CNTNAP2: variants seen among roughly 807,000 people sequenced by gnomAD.
CNTNAP2 encodes the protein contactin-associated protein-like 2.
CNTNAP2 carries 98 observed loss-of-function variants against 155.2 expected under a neutral mutation model. That is an observed-to-expected ratio of 0.63 (90% CI 0.54 to 0.75). CNTNAP2 has a LOEUF of 0.75. CNTNAP2 is among the 30% of genes least tolerant of loss of function. The probability of loss-of-function intolerance (pLI) is 0.00; values close to 1 mark genes in which losing one functional copy is unlikely to be tolerated. For missense variants in CNTNAP2, 1,727 were observed against 1,688.1 expected (o/e 1.02, Z -0.40); for synonymous variants, 651 against 631.2 (o/e 1.03, Z -0.47).
intron 21 of CNTNAP2, among the ~76,000 whole-genome samples, chr7:148,313,685 T>G (rs2116522399): frequency 6.6e-6 from 1 of 152,306 alleles, no homozygotes; most frequent in South Asian, 2.1e-4. Context: ...ATTGTACACC[T>G]TGAAGGCAAG....
chr7:148,103,203 T>G (rs1804140020), intron 15 of CNTNAP2, among the ~76,000 whole-genome samples: 1 of 139,068 alleles, frequency 7.2e-6, no homozygotes, highest in South Asian at 2.2e-4. Flanking sequence ...GGGAGGTATG[T>G]AGCTTTTTTT....
chr7:146,347,381 A>T (rs540502975), intron 1 of CNTNAP2, among the ~76,000 whole-genome samples: 1 of 152,294 alleles, frequency 6.6e-6, no homozygotes, highest in African/African-American at 2.4e-5. Context: ...CAGCTCAACC[A>T]GAGACCAGAA....
At chr7:146,254,025 G>C (rs902190284) in intron 1 of CNTNAP2, among the ~76,000 whole-genome samples, 1 of 151,940 alleles carries the variant, frequency 6.6e-6, no homozygotes. Flanking sequence ...TCATGCCACT[G>C]AACTCCAGCC....
intron 4 of CNTNAP2, among the ~76,000 whole-genome samples, chr7:147,052,958 G>C (rs1450999940): frequency 6.6e-6 from 1 of 152,062 alleles, no homozygotes; most frequent in Admixed American, 6.6e-5. Flanking sequence ...CTGGAACTTA[G>C]ATTTGAGCAC....
In CNTNAP2 at chr7:148,098,358, C is replaced by T. The variant is rs113905260; in HGVS notation, c.2384-19760C>T. The stretch of plus-strand genomic sequence containing the variant: ...ACTCGGGAGGCTGAGGCAGGAGAAT[C>T]GCTTGAATCCAGGAGGCAGAGGTTG... On this transcript the variant is annotated intron_variant, in intron 15 of 23. Transcript: ENST00000361727. 8.4e-3 allele frequency among the ~76,000 whole-genome samples: 1,198 copies of T among 142,510 alleles called. 20 individuals carry two copies. Among genetic ancestry groups the T allele is most frequent in the African/African-American group, 0.029 (1,131 of 38,768 alleles). 93.5% of individuals were successfully genotyped at this position (142,510 alleles called of 152,430 possible).
chr7:147,021,125 A>G (rs906856861), intron 3 of CNTNAP2, among the ~76,000 whole-genome samples: 2 of 152,212 alleles, frequency 1.3e-5, no homozygotes, highest in African/African-American at 4.8e-5. Context: ...CGCAGGCTGC[A>G]TGCAGCCCAG....
intron 21 of CNTNAP2, among the ~76,000 whole-genome samples, chr7:148,373,530 T>C (rs1345110417): frequency 6.6e-6 from 1 of 152,138 alleles, no homozygotes; most frequent in East Asian, 1.9e-4. Flanking sequence ...TGCCAGGCAA[T>C]AGAAAAATTT....
chr7:147,764,045 C>T (rs1302925113), intron 13 of CNTNAP2, among the ~76,000 whole-genome samples: 1 of 152,182 alleles, frequency 6.6e-6, no homozygotes, highest in Non-Finnish European at 1.5e-5. Flanking sequence ...TATTCTGTGG[C>T]CGTACCTTAT....
At chr7:146,278,786 T>C (rs551188002) in intron 1 of CNTNAP2, among the ~76,000 whole-genome samples, 1 of 152,278 alleles carries the variant, frequency 6.6e-6, no homozygotes, top group East Asian at 1.9e-4. Context: ...GATAACAAAA[T>C]TGAAGTAACC....
At chr7:147,400,411 T>C (rs1472769512) in intron 10 of CNTNAP2, among the ~76,000 whole-genome samples, 1 of 152,218 alleles carries the variant, frequency 6.6e-6, no homozygotes, top group African/African-American at 2.4e-5. Context: ...GTAGAATTAT[T>C]GTTTGACCTG....
At chr7:146,479,095 A>G (rs1167343760) in intron 1 of CNTNAP2, among the ~76,000 whole-genome samples, 1 of 152,174 alleles carries the variant, frequency 6.6e-6, no homozygotes, top group East Asian at 1.9e-4. Flanking sequence ...AAGGGGGTGT[A>G]CTTCAGAGAG....
Position 148,061,884 on chromosome 7 carries a change from TAGATAGATAGATAG to T in CNTNAP2, c.2384-56232_2384-56219del, listed in dbSNP as rs1563185235. Reference sequence around the variant, plus strand: ...AGATAGATAGATAAACAGATATAGATAGATAGATAGATAGATAGATAGATAGATAAACAGATATA... The same window carrying T: ...AGATAGATAGATAAACAGATATAGATATAGATAGATAGATAAACAGATATA... On this transcript the variant is annotated intron_variant, in intron 15 of 23. Transcript: ENST00000361727. 2.6e-4 allele frequency among the ~76,000 whole-genome samples: 30 copies of T among 117,640 alleles called. 2 individuals carry two copies. The highest frequency in any genetic ancestry group is 1.2e-3 in the African/African-American group (30 of 25,478). The allele number at this position is 117,640 out of a possible 152,430, so 77.2% of individuals were successfully genotyped here.
At chr7:147,978,418 A>G (rs1271579378) in intron 15 of CNTNAP2, among the ~76,000 whole-genome samples, 3 of 152,100 alleles carry the variant, frequency 2.0e-5, no homozygotes, top group African/African-American at 7.2e-5. Flanking sequence ...AACTTGGATT[A>G]TGGCCATATA....
chr7:147,588,093 A>C (rs539212837), intron 12 of CNTNAP2, among the ~76,000 whole-genome samples: 1 of 152,314 alleles, frequency 6.6e-6, no homozygotes, highest in East Asian at 1.9e-4. Context: ...ACTATTTCTG[A>C]ATCCAAAAAG....
intron 21 of CNTNAP2, among the ~76,000 whole-genome samples, chr7:148,318,395 C>T (rs1350866312): frequency 6.6e-6 from 1 of 152,086 alleles, no homozygotes; most frequent in African/African-American, 2.4e-5. Flanking sequence ...ATCTGTGAAG[C>T]GTGTGTGATT....
At chr7:146,156,715 G>T (rs1251159853) in intron 1 of CNTNAP2, among the ~76,000 whole-genome samples, 1 of 152,078 alleles carries the variant, frequency 6.6e-6, no homozygotes, top group Non-Finnish European at 1.5e-5. Context: ...TGACTCTCCT[G>T]CCTCAGCCTC....
In CNTNAP2 at chr7:147,128,244, G is replaced by A. The variant is rs141659386; in HGVS notation, c.940-449G>A. On this transcript the variant is annotated intron_variant, in intron 6 of 23. Coordinates refer to ENST00000361727, the MANE Select transcript of CNTNAP2 (RefSeq NM_014141.6). ...CTACAAGTCTGCATAGGGTAAATAC[G>A]ATATCCCTTGCTTTGGGCTGCAGTT... is the stretch of plus-strand genomic sequence containing the variant. Among the ~76,000 whole-genome samples the A allele has an allele frequency of 5.3e-5, 8 of 152,212 alleles. No individual in the cohort carries two copies. The South Asian group carries it at 6.2e-4, about 12-fold the overall frequency.
At chr7:146,666,452 A>G (rs895356012) in intron 1 of CNTNAP2, among the ~76,000 whole-genome samples, 1 of 152,198 alleles carries the variant, frequency 6.6e-6, no homozygotes, top group African/African-American at 2.4e-5. Context: ...TAGTGCTGCA[A>G]TAGACATAGA....
intron 1 of CNTNAP2, among the ~76,000 whole-genome samples, chr7:146,656,588 G>C (rs1176805726): frequency 6.6e-6 from 1 of 152,118 alleles, no homozygotes; most frequent in Non-Finnish European, 1.5e-5. Context: ...ACAGACAGGG[G>C]CTGAGTGGCT....
Sources: gnomAD v4.1 joint callset for allele counts (sites outside exome capture counted in the v4.1 genomes callset) on GRCh38, gnomAD v4.1.1 for gene constraint, MANE v1.5 for transcripts, NCBI Gene and HGNC (gene_info 2026-07-23, HGNC 2026-07-21) for gene names.